The following SMYD3 variants were observed in gnomAD, a reference collection of about 807,000 sequenced individuals.
SMYD3 encodes histone-lysine N-methyltransferase SMYD3.
In SMYD3, 36 loss-of-function variants were observed where a neutral mutation model predicts 57.7. The ratio of observed to expected loss-of-function variants is 0.62; its 90% CI spans 0.48 to 0.82. The LOEUF (loss-of-function observed/expected upper bound fraction) is 0.82. SMYD3 is among the 40% of genes least tolerant of loss of function. The pLI is 0.00. For synonymous variants in SMYD3, 211 were observed against 195.0 expected (o/e 1.08, Z -0.68); for missense variants, 515 against 538.8 (o/e 0.96, Z 0.44).
At chr1:246,321,333 T>A (rs2065244309) in intron 5 of SMYD3, among the ~76,000 whole-genome samples, 1 of 152,212 alleles carries the variant, frequency 6.6e-6, no homozygotes, top group Non-Finnish European at 1.5e-5. Context: ...TAATAATATG[T>A]GTCAGACACT....
chr1:246,079,370 C>T (rs2060599874), intron 5 of SMYD3, among the ~76,000 whole-genome samples: 1 of 152,206 alleles, frequency 6.6e-6, no homozygotes, highest in Admixed American at 6.5e-5. Context: ...AGAACTCTGA[C>T]TCTACTTTTT....
At chr1:246,444,777 A>G (rs1209833419) in intron 1 of SMYD3, among the ~76,000 whole-genome samples, 1 of 152,220 alleles carries the variant, frequency 6.6e-6, no homozygotes, top group African/African-American at 2.4e-5. Context: ...AGAGTGCTTA[A>G]CTCAACATTG....
intron 5 of SMYD3, among the ~76,000 whole-genome samples, chr1:246,195,432 T>C (rs1477196230): frequency 6.6e-6 from 1 of 152,166 alleles, no homozygotes. Context: ...TTTTCATAAA[T>C]GCTTAAGCAC....
intron 5 of SMYD3, chr1:245,947,377 AAGC>A: frequency 2.2e-6 from 1 of 457,094 alleles, no homozygotes; most frequent in South Asian, 1.5e-5. Flanking sequence ...ATAGAAAAGT[AAGC>A]TTCCTTCCTA....
At chr1:245,761,374 A>G (rs1268705410) in intron 11 of SMYD3, among the ~76,000 whole-genome samples, 2 of 152,164 alleles carry the variant, frequency 1.3e-5, no homozygotes, top group African/African-American at 4.8e-5. Context: ...AGGGATGTAA[A>G]GGGCAGTAAG....
At chr1:246,180,337 A>ATATAAACTACTTATATATATAAGTATATC (rs2062521099) in intron 5 of SMYD3, among the ~76,000 whole-genome samples, 1 of 147,084 alleles carries the variant, frequency 6.8e-6, no homozygotes, top group Non-Finnish European at 1.5e-5. Flanking sequence ...ATAAGTATAT[A>ATATAAACTACTTATATATATAAGTATATC]TATAAACTAC....
rs114463470 is a variant in SMYD3 at position 245,933,190 on chromosome 1, C to T, written c.532-3253G>A. 9.6e-3 allele frequency among the ~76,000 whole-genome samples: 1,457 copies of T among 152,150 alleles called. 23 individuals are homozygous for T. The highest frequency in any genetic ancestry group is 0.033 in the African/African-American group (1,364 of 41,498). On this transcript the variant is annotated intron_variant, in intron 5 of 11. Coordinates refer to ENST00000490107, the MANE Select transcript of SMYD3 (RefSeq NM_001167740.2). ...AAAAGTTTAAACATTTTTCAAAGTA[C>T]TGTCTTTGTGAAAACAGTTTTCTTA...
intron 5 of SMYD3, among the ~76,000 whole-genome samples, chr1:246,263,515 T>C (rs991934464): frequency 2.0e-5 from 3 of 152,220 alleles, no homozygotes; most frequent in African/African-American, 7.2e-5. Flanking sequence ...CTCCTTAGTA[T>C]GCAGGAAAAT....
intron 5 of SMYD3, among the ~76,000 whole-genome samples, chr1:245,950,884 A>G (rs555513745): frequency 1.2e-4 from 19 of 152,362 alleles, no homozygotes; most frequent in African/African-American, 4.3e-4. Flanking sequence ...CTCTCTCTAA[A>G]TAACAGAGTA....
At position 246,090,518 on chromosome 1, in the gene SMYD3, C is replaced by CTTT. The variant is rs143885627; in HGVS notation, c.532-160582_532-160581insAAA. Among the ~76,000 whole-genome samples the CTTT allele has an allele frequency of 8.2e-5, 10 of 121,764 alleles. 2 individuals are homozygous for CTTT. The highest frequency in any genetic ancestry group is 1.6e-4 in the Admixed American group (2 of 12,318). 79.9% of individuals were successfully genotyped at this position (121,764 alleles called of 152,430 possible). A position where few individuals can be genotyped will look rare whatever the true frequency, so the allele number is the denominator to read the frequency against. On this transcript the variant is annotated intron_variant, in intron 5 of 11. Coordinates refer to ENST00000490107, the MANE Select transcript of SMYD3 (RefSeq NM_001167740.2). ...GAGAGAGAGCTGTTTTTCTTTCTCT[C>CTTT]TCTCTTTTTTTTTTTTTTAGATGGA...
At chr1:245,870,097 T>C (rs1051489104) in intron 8 of SMYD3, among the ~76,000 whole-genome samples, 1 of 152,178 alleles carries the variant, frequency 6.6e-6, no homozygotes, top group African/African-American at 2.4e-5. Context: ...AAATATTTGG[T>C]GATAGAGTGA....
At chr1:245,775,589 T>A (rs1303346298) in intron 10 of SMYD3, among the ~76,000 whole-genome samples, 5 of 150,914 alleles carry the variant, frequency 3.3e-5, no homozygotes, top group Admixed American at 2.0e-4. Context: ...GGCCGCAGGG[T>A]CCTCTGCCTA....
At chr1:246,191,992 C>T (rs1393837744) in intron 5 of SMYD3, among the ~76,000 whole-genome samples, 1 of 152,208 alleles carries the variant, frequency 6.6e-6, no homozygotes. Context: ...TCTGAAAACA[C>T]TGGAGTGTTG....
At chr1:246,311,844 C>A (rs1373805479) in intron 5 of SMYD3, among the ~76,000 whole-genome samples, 1 of 152,150 alleles carries the variant, frequency 6.6e-6, no homozygotes, top group Non-Finnish European at 1.5e-5. Flanking sequence ...AGAGAAATAC[C>A]CTATGGACAT....
At chr1:245,916,607 G>A (rs1448983572) in intron 7 of SMYD3, among the ~76,000 whole-genome samples, 4 of 152,114 alleles carry the variant, frequency 2.6e-5, no homozygotes, top group South Asian at 2.1e-4. Flanking sequence ...AGGAAATTCT[G>A]CGGGCTCCAC....
intron 8 of SMYD3, among the ~76,000 whole-genome samples, chr1:245,883,010 A>G (rs1195628317): frequency 1.3e-5 from 2 of 152,232 alleles, no homozygotes; most frequent in African/African-American, 4.8e-5. Context: ...TGTGATTGTT[A>G]GAGAAAGAAA....
intron 1 of SMYD3, among the ~76,000 whole-genome samples, chr1:246,424,643 T>C (rs1028402957): frequency 6.6e-6 from 1 of 152,192 alleles, no homozygotes; most frequent in East Asian, 1.9e-4. Context: ...AAAATAGCTG[T>C]GTATGATTTT....
intron 5 of SMYD3, among the ~76,000 whole-genome samples, chr1:246,250,417 A>G (rs897651512): frequency 4.6e-5 from 7 of 152,330 alleles, no homozygotes; most frequent in South Asian, 4.1e-4. Flanking sequence ...TTCACACTTC[A>G]TATGAGAATA....
At chr1:246,207,203 C>A (rs565546295) in intron 5 of SMYD3, among the ~76,000 whole-genome samples, 2 of 152,264 alleles carry the variant, frequency 1.3e-5, no homozygotes, top group Non-Finnish European at 1.5e-5. Flanking sequence ...CTGTACCACA[C>A]ATAAAACATC....
Sources: gnomAD v4.1 joint callset for allele counts (sites outside exome capture counted in the v4.1 genomes callset) on GRCh38, gnomAD v4.1.1 for gene constraint, MANE v1.5 for transcripts, NCBI Gene and HGNC (gene_info 2026-07-23, HGNC 2026-07-21) for gene names.